Variants in OPCML observed in about 807,000 individuals in gnomAD.
OPCML encodes the protein opioid binding protein/cell adhesion molecule like.
In OPCML, 13 loss-of-function variants were observed where a neutral mutation model predicts 37.8. The observed-to-expected ratio is 0.34, with a 90% CI of 0.22 to 0.55. The LOEUF (loss-of-function observed/expected upper bound fraction) is 0.55. OPCML is among the 20% of genes least tolerant of loss of function. The pLI is 0.91. For missense variants in OPCML, 341 were observed against 435.6 expected, an observed-to-expected ratio of 0.78 and a Z score of 1.93; for synonymous variants, 176 against 168.8, an observed-to-expected ratio of 1.04 and a Z score of -0.33.
At chr11:133,257,756 A>G (rs898812563) in intron 1 of OPCML, among the ~76,000 whole-genome samples, 2 of 152,046 alleles carry the variant, frequency 1.3e-5, no homozygotes, top group African/African-American at 2.4e-5. Flanking sequence ...TATGCCAACC[A>G]TTCATTCATC....
chr11:133,372,433 AG>A (rs765496723), intron 1 of OPCML, among the ~76,000 whole-genome samples: 2 of 152,038 alleles, frequency 1.3e-5, no homozygotes, highest in Non-Finnish European at 2.9e-5. Context: ...CTGTTTTCTG[AG>A]GTTGTTGTGA....
At chr11:132,435,961 C>A (rs955554637) in intron 7 of OPCML, 125 bp downstream of exon 7, 2 of 838,796 alleles carry the variant, frequency 2.4e-6, no homozygotes, top group Non-Finnish European at 3.6e-6. Context: ...TATGTCTTAT[C>A]TACAGGTGGT....
intron 3 of OPCML, among the ~76,000 whole-genome samples, chr11:132,547,963 G>T (rs2096372631): frequency 6.6e-6 from 1 of 152,192 alleles, no homozygotes; most frequent in South Asian, 2.1e-4. Context: ...TGAGAGCTTA[G>T]ACCTGGTGCC....
chr11:132,775,744 C>T (rs950989256), intron 2 of OPCML, among the ~76,000 whole-genome samples: 14 of 152,188 alleles, frequency 9.2e-5, no homozygotes, highest in African/African-American at 3.1e-4. Context: ...CAGCAGAGCT[C>T]CTCAGCCTCT....
At chr11:132,910,258 G>T (rs921748872) in intron 2 of OPCML, among the ~76,000 whole-genome samples, 1 of 138,388 alleles carries the variant, frequency 7.2e-6, no homozygotes, top group Admixed American at 7.4e-5. Flanking sequence ...AGGGCTGGGG[G>T]TAGGGGGCCT....
chr11:132,760,376 C>G (rs1246628475), intron 2 of OPCML, among the ~76,000 whole-genome samples: 1 of 152,106 alleles, frequency 6.6e-6, no homozygotes, highest in Non-Finnish European at 1.5e-5. Context: ...TCTCATTGAT[C>G]TGTCTAATAT....
chr11:132,508,788 G>A (rs201584872), intron 4 of OPCML, among the ~76,000 whole-genome samples: 4 of 152,166 alleles, frequency 2.6e-5, no homozygotes, highest in Admixed American at 6.5e-5. Context: ...TGGAACTTAA[G>A]TCCAATTAAA....
Position 133,306,165 on chromosome 11 carries a change from T to C in OPCML, c.61+226099A>G, listed in dbSNP as rs181982681. The stretch of plus-strand genomic sequence containing the variant: ...TCAGTAGAAAGACCCATAGAAGAAC[T>C]GCCCTTGGTCCTGAAATCATGAGTG... On this transcript the variant is annotated intron_variant, in intron 1 of 7. Coordinates refer to ENST00000524381, the MANE Select transcript of OPCML (RefSeq NM_001012393.5). 3.4e-3 allele frequency among the ~76,000 whole-genome samples: 516 copies of C among 152,296 alleles called. 3 individuals are homozygous for C. Among genetic ancestry groups the C allele is most frequent in the African/African-American group, 0.012 (497 of 41,562 alleles).
In OPCML at chr11:133,211,312, C is replaced by G. The variant is rs1939348246; in HGVS notation, c.62-268302G>C. On this transcript the variant is annotated intron_variant, in intron 1 of 7. Transcript: ENST00000524381. The surrounding 1 kb of genome is among the most constrained non-coding windows in gnomAD (Gnocchi z 4.1). Reference sequence around the variant, plus strand: ...CCACAGCACCCAGCACCTAAAAATCCACTCTTTAAGCATAATAGTCTATTG... The same window carrying G: ...CCACAGCACCCAGCACCTAAAAATCGACTCTTTAAGCATAATAGTCTATTG... Among the ~76,000 whole-genome samples, 1 of 152,100 alleles carries G rather than the reference C, an allele frequency of 6.6e-6. No homozygotes were observed. Among genetic ancestry groups the G allele is most frequent in the Admixed American group, 6.6e-5 (1 of 15,262 alleles).
intron 2 of OPCML, among the ~76,000 whole-genome samples, chr11:132,918,030 A>G (rs1169688833): frequency 2.0e-5 from 3 of 152,252 alleles, no homozygotes; most frequent in East Asian, 1.9e-4. Context: ...ATGTTTTCCT[A>G]TTTTATGATT....
chr11:132,948,634 C>G (rs1051771169), intron 1 of OPCML, among the ~76,000 whole-genome samples: 3 of 152,070 alleles, frequency 2.0e-5, no homozygotes, highest in Non-Finnish European at 4.4e-5. Context: ...CCAGAATTAG[C>G]AAGACCTAGG....
rs1241626430 is a variant in OPCML, at chr11:133,206,810, C to G, written c.62-263800G>C. Among the ~76,000 whole-genome samples, 4 of 152,132 alleles carry G rather than the reference C, an allele frequency of 2.6e-5. No individual in the cohort carries two copies. Among genetic ancestry groups the G allele is most frequent in the Admixed American group, 2.6e-4 (4 of 15,278 alleles). ...GCAGGTTTGTGAATGGATGCAGCACCCACGCTTACCCTCCACACTCTCACG... is the reference window on the plus strand; with the variant it reads ...GCAGGTTTGTGAATGGATGCAGCACGCACGCTTACCCTCCACACTCTCACG... On this transcript the variant is annotated intron_variant, in intron 1 of 7. Transcript: ENST00000524381. This position sits in a 1 kb window ranked among gnomAD's most constrained non-coding sequence, Gnocchi z 4.7.
chr11:133,325,473 G>A (rs1052338304), intron 1 of OPCML, among the ~76,000 whole-genome samples: 1 of 152,112 alleles, frequency 6.6e-6, no homozygotes, highest in Non-Finnish European at 1.5e-5. Context: ...TCCCACTGAA[G>A]TAATTTTAAC....
intron 1 of OPCML, among the ~76,000 whole-genome samples, chr11:133,353,446 C>T (rs1167051796): frequency 6.6e-6 from 1 of 152,094 alleles, no homozygotes; most frequent in Non-Finnish European, 1.5e-5. Context: ...AGGCATGAGC[C>T]ACCGTGACCA....
At chr11:133,009,346 G>T (rs1947172426) in intron 1 of OPCML, 7 of 463,820 alleles carry the variant, frequency 1.5e-5, no homozygotes, top group Non-Finnish European at 2.0e-5. Context: ...GATGTTCACA[G>T]TCTGTTCAAA....
intron 2 of OPCML, among the ~76,000 whole-genome samples, chr11:132,832,339 A>C (rs1223975900): frequency 6.6e-6 from 1 of 152,030 alleles, no homozygotes; most frequent in Non-Finnish European, 1.5e-5. Context: ...TTAAAGCTGG[A>C]AGCCTAAACC....
At chr11:132,763,252 T>G (rs949900904) in intron 2 of OPCML, among the ~76,000 whole-genome samples, 1 of 152,214 alleles carries the variant, frequency 6.6e-6, no homozygotes, top group Non-Finnish European at 1.5e-5. Context: ...CAAAGCTGTT[T>G]CTATTCGGCC....
At chr11:132,595,096 G>C (rs1487200458) in intron 3 of OPCML, among the ~76,000 whole-genome samples, 1 of 152,036 alleles carries the variant, frequency 6.6e-6, no homozygotes. Context: ...TTGTCTCTCT[G>C]TGAACTGAGA....
At chr11:133,480,750 T>G (rs193234569) in intron 1 of OPCML, among the ~76,000 whole-genome samples, 1 of 152,238 alleles carries the variant, frequency 6.6e-6, no homozygotes, top group African/African-American at 2.4e-5. Flanking sequence ...GCCATCCATA[T>G]CTGACTTTCC....
Sources: gnomAD v4.1 joint callset for allele counts (sites outside exome capture counted in the v4.1 genomes callset) on GRCh38, gnomAD v4.1.1 for gene constraint, Gnocchi (gnomAD v3.1) non-coding constraint, MANE v1.5 for transcripts, NCBI Gene and HGNC (gene_info 2026-07-23, HGNC 2026-07-21) for gene names.